SEPTIN11: variants seen among roughly 807,000 people sequenced by gnomAD.
The protein encoded by SEPTIN11 is septin 11.
In SEPTIN11, 25 loss-of-function variants were observed where a neutral mutation model predicts 51.4. The observed-to-expected ratio is 0.49, with a 90% CI of 0.35 to 0.68. The LOEUF (loss-of-function observed/expected upper bound fraction) is 0.68. Among genes scored for constraint, SEPTIN11 ranks in the 30% least tolerant of loss-of-function variants. The probability of loss-of-function intolerance (pLI) is 0.00; values close to 1 mark genes in which losing one functional copy is unlikely to be tolerated. For missense variants in SEPTIN11, 381 were observed against 520.8 expected (o/e 0.73, Z 2.61); for synonymous variants, 174 against 184.1 (o/e 0.95, Z 0.44).
intron 1 of SEPTIN11, among the ~76,000 whole-genome samples, chr4:76,991,109 G>T (rs1173337026): frequency 6.6e-6 from 1 of 152,218 alleles, no homozygotes; most frequent in Non-Finnish European, 1.5e-5. Context: ...AGCTGTAATA[G>T]AACTTCTGAT....
At chr4:76,999,503 C>T (rs770967483) in intron 2 of SEPTIN11, among the ~76,000 whole-genome samples, 78 of 151,878 alleles carry the variant, frequency 5.1e-4, no homozygotes, top group Admixed American at 3.7e-3. Context: ...ATATTTATAG[C>T]GTGAATTTAC....
At chr4:76,956,611 A>G (rs1008335861) in intron 1 of SEPTIN11, among the ~76,000 whole-genome samples, 1 of 152,208 alleles carries the variant, frequency 6.6e-6, no homozygotes, top group Admixed American at 6.5e-5. Flanking sequence ...CTGGTGGCAG[A>G]GGACAAAGAG....
At chr4:77,032,506 G>A (rs191296966) in intron 9 of SEPTIN11, among the ~76,000 whole-genome samples, 1 of 152,278 alleles carries the variant, frequency 6.6e-6, no homozygotes, top group East Asian at 1.9e-4. Flanking sequence ...AAAGCCATTG[G>A]GCATTGTACC....
chr4:77,036,983 A>G lies in SEPTIN11; in HGVS notation c.*2471A>G, dbSNP rs1306935469. The G allele has an allele frequency of 1.6e-6, 2 of 1,270,014 alleles. No homozygotes were observed. Among genetic ancestry groups the G allele is most frequent in the Non-Finnish European group, 2.0e-6 (2 of 1,010,658 alleles). The allele number at this position is 1,270,014 out of a possible 1,614,324, so 78.7% of individuals were successfully genotyped here. The stretch of plus-strand genomic sequence containing the variant: ...AGCCTTTGTTTAAAAAAAAGACTAA[A>G]TATATTTAAAAGGCCACATTTATAT... On this transcript the variant is annotated 3_prime_UTR_variant, in exon 10 of 10. Transcript: ENST00000264893.
chr4:77,027,494 A>G (rs1726253929), intron 7 of SEPTIN11, among the ~76,000 whole-genome samples: 1 of 152,198 alleles, frequency 6.6e-6, no homozygotes, highest in Non-Finnish European at 1.5e-5. Flanking sequence ...GTGTATCTAC[A>G]TGCACGTATG....
intron 1 of SEPTIN11, chr4:76,958,917 C>T: frequency 1.4e-6 from 2 of 1,399,386 alleles, no homozygotes; most frequent in Non-Finnish European, 2.0e-6. Flanking sequence ...AATTCACCCA[C>T]CTTTTGTCCC....
At chr4:76,964,097 T>G (rs1476221286) in intron 1 of SEPTIN11, among the ~76,000 whole-genome samples, 1 of 152,190 alleles carries the variant, frequency 6.6e-6, no homozygotes, top group Admixed American at 6.5e-5. Context: ...AATGATGGTT[T>G]CCAGCTTCAT....
At chr4:76,977,174 G>A (rs2109909870) in intron 1 of SEPTIN11, among the ~76,000 whole-genome samples, 1 of 151,938 alleles carries the variant, frequency 6.6e-6, no homozygotes, top group East Asian at 1.9e-4. Context: ...TTTAAAGTTT[G>A]ATTTTAGAAT....
chr4:77,031,292 A>G (rs1046710817), intron 9 of SEPTIN11: 5 of 216,346 alleles, frequency 2.3e-5, no homozygotes, highest in East Asian at 2.2e-4. Flanking sequence ...TCTGAAGACA[A>G]TTCTCATGAC....
At chr4:76,977,821 G>A (rs1381807569) in intron 1 of SEPTIN11, among the ~76,000 whole-genome samples, 1 of 151,244 alleles carries the variant, frequency 6.6e-6, no homozygotes, top group African/African-American at 2.4e-5. Flanking sequence ...TTCTTCTCTA[G>A]CCCATACTAC....
rs374002502 is a variant in SEPTIN11, at chr4:77,002,632, T to G, written c.143-2969T>G. On this transcript the variant is annotated intron_variant, in intron 2 of 9. Transcript: ENST00000264893. Reference sequence around the variant, plus strand: ...TTGACTAGCAGTGAGAACTCTGTTTTATTTCTGTATCCACTACACAGTAAC... The same window carrying G: ...TTGACTAGCAGTGAGAACTCTGTTTGATTTCTGTATCCACTACACAGTAAC... Among the ~76,000 whole-genome samples, 123 of 152,346 alleles carry G rather than the reference T, an allele frequency of 8.1e-4. 1 individual carries two copies. The highest frequency in any genetic ancestry group is 2.9e-3 in the African/African-American group (120 of 41,584).
rs370267588 is a variant in SEPTIN11, at chr4:77,016,615, C to CATATATATATATATATACACATATATAT, written c.687+1613_687+1614insTACACATATATATATATATATATATATA. Among the ~76,000 whole-genome samples, 75 of 79,226 alleles carry CATATATATATATATATACACATATATAT rather than the reference C, an allele frequency of 9.5e-4. 2 individuals carry two copies. Among genetic ancestry groups the CATATATATATATATATACACATATATAT allele is most frequent in the Middle Eastern group, 0.012 (2 of 164 alleles). 52.0% of individuals were successfully genotyped at this position (79,226 alleles called of 152,430 possible). A position where few individuals can be genotyped will look rare whatever the true frequency, so the allele number is the denominator to read the frequency against. On this transcript the variant is annotated intron_variant, in intron 5 of 9. Coordinates refer to ENST00000264893, the MANE Select transcript of SEPTIN11 (RefSeq NM_018243.4). ...ATACACACACATATATATATATACA[C>CATATATATATATATATACACATATATAT]ATATATATATATATACACATATATA...
chr4:77,036,876 C>G lies in SEPTIN11; in HGVS notation c.*2364C>G. 1 of 1,405,808 alleles carries G rather than the reference C, an allele frequency of 7.1e-7. No individual in the cohort carries two copies. Among genetic ancestry groups the G allele is most frequent in the Non-Finnish European group, 9.2e-7 (1 of 1,086,774 alleles). The allele number at this position is 1,405,808 out of a possible 1,614,324, so 87.1% of individuals were successfully genotyped here. A position where few individuals can be genotyped will look rare whatever the true frequency, so the allele number is the denominator to read the frequency against. ...TAAGAAACCTTTGAGATCTTTCTGA[C>G]TTTTCAAAATTAGAGAAAGCAAATG... is the stretch of plus-strand genomic sequence containing the variant. On this transcript the variant is annotated 3_prime_UTR_variant, in exon 10 of 10. Coordinates refer to ENST00000264893, the MANE Select transcript of SEPTIN11 (RefSeq NM_018243.4).
At position 77,037,626 on chromosome 4, in the gene SEPTIN11, A is replaced by C; in HGVS notation, c.*3114A>C. 1 of 985,592 alleles carries C rather than the reference A, an allele frequency of 1.0e-6. No individual in the cohort carries two copies. The highest frequency in any genetic ancestry group is 1.2e-6 in the Non-Finnish European group (1 of 829,936). The allele number at this position is 985,592 out of a possible 1,614,324, so 61.1% of individuals were successfully genotyped here. On this transcript the variant is annotated 3_prime_UTR_variant, in exon 10 of 10. Transcript: ENST00000264893. ...CTTTTTTGGGGATTGAGGGGCCTAC[A>C]TAACTAGCTGGCCTTACCCCATATC...
chr4:76,963,073 T>A (rs959709040), intron 1 of SEPTIN11, among the ~76,000 whole-genome samples: 1 of 152,220 alleles, frequency 6.6e-6, no homozygotes, highest in African/African-American at 2.4e-5. Flanking sequence ...GGAAAAATTA[T>A]GTGTTAAAAA....
chr4:76,987,285 C>T (rs184393032), intron 1 of SEPTIN11, among the ~76,000 whole-genome samples: 1 of 152,082 alleles, frequency 6.6e-6, no homozygotes, highest in Non-Finnish European at 1.5e-5. Context: ...GCCTGGCGCT[C>T]TCTGTTCTGC....
intron 1 of SEPTIN11, among the ~76,000 whole-genome samples, chr4:76,982,118 C>T (rs1358118844): frequency 6.6e-6 from 1 of 152,150 alleles, no homozygotes; most frequent in African/African-American, 2.4e-5. Context: ...TTTCCCTGCC[C>T]TTTGGGCCTC....
Position 77,011,830 on chromosome 4 carries a change from C to G in SEPTIN11, c.434C>G (p.Thr145Arg). ...CGTTCTCTCTTCAACTACCATGACA[C>G]GAGGATCCATGCCTGCCTCTACTTT... Reference protein sequence around the residue: ...IKRSLFNYHDTRIHACLYFIA... With the variant: ...IKRSLFNYHDRRIHACLYFIA... Residue 145 changes from threonine to arginine, a missense_variant, in exon 4 of 10, where the codon ACG becomes AGG. Coordinates refer to ENST00000264893, the MANE Select transcript of SEPTIN11 (RefSeq NM_018243.4). The G allele has an allele frequency of 6.2e-7, 1 of 1,614,010 alleles. No homozygotes were observed. The highest frequency in any genetic ancestry group is 1.1e-5 in the South Asian group (1 of 91,074).
intron 1 of SEPTIN11, among the ~76,000 whole-genome samples, chr4:76,952,531 A>G (rs149461894): frequency 6.6e-6 from 1 of 152,338 alleles, no homozygotes; most frequent in African/African-American, 2.4e-5. Flanking sequence ...GTGGGCAAAA[A>G]TGCTTACATG....
Sources: allele counts gnomAD v4.1 joint callset (sites outside exome capture counted in the v4.1 genomes callset), GRCh38; gene constraint gnomAD v4.1.1; transcripts MANE v1.5; gene names NCBI Gene and HGNC (gene_info 2026-07-23, HGNC 2026-07-21).